SYNE1: variants seen among roughly 807,000 people sequenced by gnomAD.
The protein encoded by SYNE1 is nesprin-1.
In SYNE1, 616 loss-of-function variants were observed where a neutral mutation model predicts 1,111.0. That is an observed-to-expected ratio of 0.55 (90% CI 0.52 to 0.59). The LOEUF is 0.59. SYNE1 is among the 20% of genes least tolerant of loss of function. SYNE1 has a pLI of 0.00. For synonymous variants in SYNE1, 3,855 were observed against 3,825.8 expected, an observed-to-expected ratio of 1.01 and a Z score of -0.28; for missense variants, 10,006 against 10,417.0, an observed-to-expected ratio of 0.96 and a Z score of 1.72.
intron 58 of SYNE1, among the ~76,000 whole-genome samples, chr6:152,375,150 C>T (rs1488743022): frequency 6.6e-6 from 1 of 151,998 alleles, no homozygotes; most frequent in East Asian, 1.9e-4. Context: ...TCCATGTTGG[C>T]CAGGCTGGTC....
At chr6:152,454,031 G>A (rs2098674361) in intron 24 of SYNE1, among the ~76,000 whole-genome samples, 1 of 152,196 alleles carries the variant, frequency 6.6e-6, no homozygotes, top group Non-Finnish European at 1.5e-5. Flanking sequence ...CCTTGATTCT[G>A]TAGCGATAGA....
chr6:152,157,498 C>T (rs1003175226), intron 131 of SYNE1, among the ~76,000 whole-genome samples: 5 of 151,928 alleles, frequency 3.3e-5, no homozygotes, highest in Admixed American at 1.3e-4. Flanking sequence ...TCTTAATGTT[C>T]GATAGAGTAG....
At chr6:152,153,938 G>C (rs908201635) in intron 133 of SYNE1, among the ~76,000 whole-genome samples, 3 of 152,132 alleles carry the variant, frequency 2.0e-5, no homozygotes, top group African/African-American at 7.2e-5. Flanking sequence ...ATAGGCCTCA[G>C]AAAATGCCTG....
intron 3 of SYNE1, among the ~76,000 whole-genome samples, chr6:152,579,859 T>G (rs907184203): frequency 6.6e-6 from 1 of 152,238 alleles, no homozygotes; most frequent in Non-Finnish European, 1.5e-5. Context: ...GATTTCATTC[T>G]TGTTATGGCT....
intron 128 of SYNE1, among the ~76,000 whole-genome samples, chr6:152,188,614 A>G (rs2070966998): frequency 6.6e-6 from 1 of 152,046 alleles, no homozygotes; most frequent in Non-Finnish European, 1.5e-5. Flanking sequence ...AAGTATATCT[A>G]CCCAGCAAAA....
chr6:152,296,409 A>C (rs1411106685), intron 93 of SYNE1, among the ~76,000 whole-genome samples: 3 of 152,242 alleles, frequency 2.0e-5, no homozygotes, highest in Non-Finnish European at 2.9e-5. Flanking sequence ...TTCCAAAAGG[A>C]ACCAATTTAG....
Position 152,404,318 on chromosome 6 carries a change from C to T in SYNE1, c.6724-4G>A. On this transcript the variant is annotated splice_polypyrimidine_tract_variant and splice_region_variant and intron_variant, in intron 45 of 145. Coordinates refer to ENST00000367255, the MANE Select transcript of SYNE1 (RefSeq NM_182961.4). ...ATGCTTTGTTTTTAACTTCAGACTG[C>T]CAAAAGGGAAGAAACATAACTAATC... 6.2e-7 allele frequency: 1 copy of T among 1,602,988 alleles called. No individual in the cohort carries two copies. Among genetic ancestry groups the T allele is most frequent in the Non-Finnish European group, 8.5e-7 (1 of 1,171,946 alleles).
intron 64 of SYNE1, among the ~76,000 whole-genome samples, chr6:152,361,109 G>C (rs183981345): frequency 6.6e-6 from 1 of 152,190 alleles, no homozygotes; most frequent in African/African-American, 2.4e-5. Context: ...AGGTTGCCAG[G>C]GGCAGAGACA....
At chr6:152,379,963 T>C (rs1011678364) in intron 56 of SYNE1, among the ~76,000 whole-genome samples, 3 of 152,238 alleles carry the variant, frequency 2.0e-5, no homozygotes, top group African/African-American at 4.8e-5. Context: ...TTTCATATTA[T>C]ACCATGTAGA....
intron 4 of SYNE1, among the ~76,000 whole-genome samples, chr6:152,533,704 T>G (rs1010439976): frequency 6.6e-6 from 1 of 152,152 alleles, no homozygotes; most frequent in African/African-American, 2.4e-5. Flanking sequence ...AGCTTCTTGA[T>G]CTTCTTTACT....
intron 16 of SYNE1, 101 bp downstream of exon 16, chr6:152,471,496 T>C (rs1290558960): frequency 2.5e-6 from 3 of 1,176,974 alleles, no homozygotes; most frequent in Non-Finnish European, 3.8e-6. Flanking sequence ...GCTATCTTTA[T>C]GTTTAAATTC....
intron 22 of SYNE1, 90 bp downstream of exon 22, chr6:152,458,667 T>C: frequency 1.5e-6 from 2 of 1,377,392 alleles, no homozygotes; most frequent in Non-Finnish European, 2.1e-6. Flanking sequence ...ATGTTTCTTG[T>C]CCTCACTGAA....
intron 128 of SYNE1, among the ~76,000 whole-genome samples, chr6:152,184,437 CAAA>C (rs199660419): frequency 3.2e-4 from 33 of 104,728 alleles, no homozygotes; most frequent in Non-Finnish European, 5.0e-4. Context: ...AACTCTGTTT[CAAA>C]AAAAAAAAAA....
chr6:152,417,227 G>A lies in SYNE1; in HGVS notation c.5422-212C>T, dbSNP rs373137877. ...TAAAACACAACTCTGGGCCAGGCGC[G>A]GTGGCTCACGCCTGTAATCCCAGCA... On this transcript the variant is annotated intron_variant, in intron 40 of 145. Coordinates refer to ENST00000367255, the MANE Select transcript of SYNE1 (RefSeq NM_182961.4). Among the ~76,000 whole-genome samples the A allele has an allele frequency of 1.4e-3, 216 of 152,252 alleles. 1 individual carries two copies. The highest frequency in any genetic ancestry group is 4.9e-3 in the African/African-American group (205 of 41,546).
In SYNE1 at chr6:152,450,747, C is replaced by G. The variant is rs753973860; in HGVS notation, c.3273G>C (p.Arg1091=). 1.2e-6 allele frequency: 2 copies of G among 1,613,980 alleles called. No homozygotes were observed. The highest frequency in any genetic ancestry group is 1.7e-6 in the Non-Finnish European group (2 of 1,180,022). Residue 1091 remains arginine (R), a synonymous_variant, in exon 27 of 146, where the codon CGG becomes CGC. Transcript: ENST00000367255. ...IEELCVKLPV[R]DPVRDTPGTC... is the part of the protein sequence containing the mutation. ...TTCCAGGTGTGTCCCTTACTGGGTC[C>G]CGCACTGGGAGTTTCACACAGAGTT... is the stretch of plus-strand genomic sequence containing the variant.
chr6:152,493,998 A>C (rs190926746), intron 11 of SYNE1, among the ~76,000 whole-genome samples: 1 of 152,228 alleles, frequency 6.6e-6, no homozygotes, highest in African/African-American at 2.4e-5. Flanking sequence ...CCTTTTCATT[A>C]CACGCAGCCA....
chr6:152,287,964 TTTATACATTCAAAGTA>T (rs1372104705), intron 95 of SYNE1, among the ~76,000 whole-genome samples: 2 of 152,250 alleles, frequency 1.3e-5, no homozygotes, highest in Non-Finnish European at 1.5e-5. Context: ...CAAAGTATTT[TTTATACATTCAAAGTA>T]TTATACATTC....
chr6:152,223,543 G>T (rs967598199), intron 117 of SYNE1, among the ~76,000 whole-genome samples: 5 of 152,070 alleles, frequency 3.3e-5, no homozygotes, highest in African/African-American at 1.2e-4. Context: ...GCTTAAACCC[G>T]GGAGGCGGAG....
At chr6:152,545,235 T>C (rs1273545146) in intron 3 of SYNE1, among the ~76,000 whole-genome samples, 1 of 152,172 alleles carries the variant, frequency 6.6e-6, no homozygotes, top group Non-Finnish European at 1.5e-5. Context: ...AGCAAAATAG[T>C]AAATGTCTAG....
Sources: allele counts gnomAD v4.1 joint callset (sites outside exome capture counted in the v4.1 genomes callset), GRCh38; gene constraint gnomAD v4.1.1; transcripts MANE v1.5; gene names NCBI Gene and HGNC (gene_info 2026-07-23, HGNC 2026-07-21).